IPMK: variants seen among roughly 807,000 people sequenced by gnomAD.
IPMK encodes inositol polyphosphate multikinase, also known as inositol 1,3,4,6-tetrakisphosphate 5-kinase.
IPMK carries 17 observed loss-of-function variants against 45.8 expected under a neutral mutation model. That is an observed-to-expected ratio of 0.37 (90% CI 0.25 to 0.56). The LOEUF is 0.56. IPMK is among the 20% of genes least tolerant of loss of function. IPMK has a pLI of 0.79. For missense variants in IPMK, 399 were observed against 498.0 expected, an observed-to-expected ratio of 0.80 and a Z score of 1.89; for synonymous variants, 180 against 184.3, an observed-to-expected ratio of 0.98 and a Z score of 0.19.
chr10:58,207,812 G>A (rs1217685295), intron 4 of IPMK, among the ~76,000 whole-genome samples: 2 of 152,154 alleles, frequency 1.3e-5, no homozygotes, highest in African/African-American at 4.8e-5. Flanking sequence ...TAGATCTCTA[G>A]CAAGGCCAGA....
At chr10:58,200,322 T>G (rs1625716) in intron 4 of IPMK, among the ~76,000 whole-genome samples, 19,093 of 152,102 alleles carry the variant, frequency 0.13, 1,841 homozygotes, top group African/African-American at 0.27. Context: ...TTTCACCATG[T>G]TGGCCAGGCT....
rs1348400645 is a variant in IPMK, at chr10:58,257,199, CA to C, written c.190+10222del. Among the ~76,000 whole-genome samples the C allele has an allele frequency of 3.3e-5, 5 of 152,234 alleles. No individual in the cohort carries two copies. The East Asian group carries it at 9.6e-4, about 29-fold the overall frequency. ...GATTCTGTTTAATTTCAATTAAACACAGGGTATTTCAACAGCCAGGCCCGGT... is the reference window on the plus strand; with the variant it reads ...GATTCTGTTTAATTTCAATTAAACACGGGTATTTCAACAGCCAGGCCCGGT... On this transcript the variant is annotated intron_variant, in intron 1 of 5. Coordinates refer to ENST00000373935, the MANE Select transcript of IPMK (RefSeq NM_152230.5).
intron 5 of IPMK, among the ~76,000 whole-genome samples, chr10:58,198,192 A>G (rs1013782190): frequency 5.3e-5 from 8 of 152,224 alleles, no homozygotes; most frequent in African/African-American, 1.9e-4. Context: ...TTTGCTCTCA[A>G]TAATATTGAT....
chr10:58,230,508 C>G (rs1005550938), intron 2 of IPMK, among the ~76,000 whole-genome samples: 3 of 152,196 alleles, frequency 2.0e-5, no homozygotes, highest in Non-Finnish European at 4.4e-5. Flanking sequence ...TGTTCTGCAG[C>G]CTCCACTGGT....
chr10:58,202,187 C>A (rs1564527599), intron 4 of IPMK, among the ~76,000 whole-genome samples: 1 of 152,218 alleles, frequency 6.6e-6, no homozygotes, highest in African/African-American at 2.4e-5. Context: ...CCCCAAACCA[C>A]AGATTCTCAA....
intron 1 of IPMK, among the ~76,000 whole-genome samples, chr10:58,259,636 C>G (rs140453246): frequency 6.2e-4 from 86 of 138,306 alleles, no homozygotes; most frequent in South Asian, 3.2e-3. Flanking sequence ...AGTTCAAGAC[C>G]AGCCTGGCCA....
intron 4 of IPMK, among the ~76,000 whole-genome samples, chr10:58,206,876 G>A (rs1838078337): frequency 6.6e-6 from 1 of 151,818 alleles, no homozygotes; most frequent in African/African-American, 2.4e-5. Flanking sequence ...TATAGTATTT[G>A]GTTTTCCATT....
At chr10:58,229,322 G>A (rs1838470769) in intron 2 of IPMK, among the ~76,000 whole-genome samples, 1 of 152,118 alleles carries the variant, frequency 6.6e-6, no homozygotes, top group Non-Finnish European at 1.5e-5. Context: ...TTGGGAGGCT[G>A]AGGTAGGTGG....
intron 2 of IPMK, among the ~76,000 whole-genome samples, chr10:58,228,434 T>G (rs1348176718): frequency 6.6e-6 from 1 of 152,268 alleles, no homozygotes; most frequent in Non-Finnish European, 1.5e-5. Flanking sequence ...GAAAGAGAGA[T>G]AAATTTTCTC....
chr10:58,244,775 G>A (rs1467477089), intron 1 of IPMK, among the ~76,000 whole-genome samples: 1 of 152,104 alleles, frequency 6.6e-6, no homozygotes, highest in Non-Finnish European at 1.5e-5. Flanking sequence ...CATGTGCTGT[G>A]TCAACTCAGG....
intron 4 of IPMK, among the ~76,000 whole-genome samples, chr10:58,202,865 A>T (rs1838016938): frequency 6.6e-6 from 1 of 151,884 alleles, no homozygotes; most frequent in Non-Finnish European, 1.5e-5. Context: ...ATGTACAAGG[A>T]GATTAATATT....
chr10:58,211,699 C>T (rs1050499866), intron 4 of IPMK, among the ~76,000 whole-genome samples: 2 of 149,338 alleles, frequency 1.3e-5, no homozygotes, highest in African/African-American at 5.0e-5. Flanking sequence ...AACCTCAGTG[C>T]AACAGTGAAA....
chr10:58,249,678 T>C (rs971954892), intron 1 of IPMK, among the ~76,000 whole-genome samples: 1 of 152,242 alleles, frequency 6.6e-6, no homozygotes, highest in East Asian at 1.9e-4. Context: ...GTTTCCTTTG[T>C]AGTGCATAAG....
rs1002600546 is a variant in IPMK, at chr10:58,214,169, A to G, written c.546+1976T>C. Among the ~76,000 whole-genome samples, 4 of 152,338 alleles carry G rather than the reference A, an allele frequency of 2.6e-5. No homozygotes were observed. The East Asian group carries it at 5.8e-4, about 22-fold the overall frequency. On this transcript the variant is annotated intron_variant, in intron 4 of 5. Transcript: ENST00000373935. The stretch of plus-strand genomic sequence containing the variant: ...ATATAAGAAAGATAAGAGAAAATCA[A>G]TAGTATAAGGTTCTTGAAGAGATAA...
intron 2 of IPMK, among the ~76,000 whole-genome samples, 182 bp from the exon 3 acceptor site, chr10:58,227,321 A>G (rs757834386): frequency 2.0e-5 from 3 of 152,150 alleles, no homozygotes; most frequent in Non-Finnish European, 4.4e-5. Context: ...TATTTAGAGT[A>G]CACTCTTCTT....
chr10:58,213,697 G>GA (rs574630685), intron 4 of IPMK, among the ~76,000 whole-genome samples: 44 of 131,600 alleles, frequency 3.3e-4, no homozygotes, highest in South Asian at 4.7e-4. Flanking sequence ...AAAAAAAAAA[G>GA]AAAAAAAAAA....
In IPMK at chr10:58,197,322, A is replaced by AATAAATAAATAAATAAATACATACATAC. The variant is rs1212863029; in HGVS notation, c.629-625_629-624insGTATGTATGTATTTATTTATTTATTTAT. 4.1e-3 allele frequency among the ~76,000 whole-genome samples: 447 copies of AATAAATAAATAAATAAATACATACATAC among 110,068 alleles called. 7 individuals carry two copies. The highest frequency in any genetic ancestry group is 0.014 in the African/African-American group (353 of 25,722). 72.2% of individuals were successfully genotyped at this position (110,068 alleles called of 152,430 possible). A position where few individuals can be genotyped will look rare whatever the true frequency, so the allele number is the denominator to read the frequency against. Reference sequence around the variant, plus strand: ...TCAAAAATAAATAAATAAATAAATAAATAAATACATAAATACATAAACACA... The same window carrying AATAAATAAATAAATAAATACATACATAC: ...TCAAAAATAAATAAATAAATAAATAAATAAATAAATAAATAAATACATACATACATAAATACATAAATACATAAACACA... On this transcript the variant is annotated intron_variant, in intron 5 of 5. Coordinates refer to ENST00000373935, the MANE Select transcript of IPMK (RefSeq NM_152230.5).
chr10:58,219,743 G>T (rs1246797712), intron 3 of IPMK, among the ~76,000 whole-genome samples: 1 of 152,188 alleles, frequency 6.6e-6, no homozygotes, highest in African/African-American at 2.4e-5. Flanking sequence ...GAGAATATAT[G>T]AGACTATCTC....
intron 1 of IPMK, among the ~76,000 whole-genome samples, chr10:58,249,921 AC>A (rs1176643396): frequency 1.3e-4 from 20 of 152,052 alleles, no homozygotes; most frequent in Admixed American, 1.3e-3. Context: ...CAGTTTTCCC[AC>A]CCCACTTATT....
Sources: gnomAD v4.1 joint callset for allele counts (sites outside exome capture counted in the v4.1 genomes callset) on GRCh38, gnomAD v4.1.1 for gene constraint, MANE v1.5 for transcripts, NCBI Gene and HGNC (gene_info 2026-07-23, HGNC 2026-07-21) for gene names.